Variants in PRR16 observed in about 807,000 individuals in gnomAD.
PRR16 encodes the protein protein Largen.
A neutral mutation model predicts 18.2 loss-of-function variants in PRR16; 6 were observed. That is an observed-to-expected ratio of 0.33 (90% CI 0.18 to 0.65). The LOEUF is 0.65. PRR16 is among the 30% of genes least tolerant of loss of function. The pLI, the probability that PRR16 is intolerant of heterozygous loss-of-function variation, is 0.74. For synonymous variants in PRR16, 151 were observed against 147.8 expected (o/e 1.02, Z -0.16); for missense variants, 412 against 376.6 (o/e 1.09, Z -0.78).
chr5:120,542,386 C>G (rs1751943003), intron 1 of PRR16, among the ~76,000 whole-genome samples: 1 of 152,026 alleles, frequency 6.6e-6, no homozygotes, highest in Admixed American at 6.6e-5. Flanking sequence ...AAAGATAGTA[C>G]AGGGAGTACC....
chr5:120,736,460 T>A, the PRR16 span, among the ~76,000 whole-genome samples: 7 of 151,038 alleles, frequency 4.6e-5, no homozygotes, highest in African/African-American at 1.5e-4. Flanking sequence ...AGAAAGAGTT[T>A]CACCATGTTG....
chr5:120,610,258 C>T (rs1293861196), intron 1 of PRR16, among the ~76,000 whole-genome samples: 1 of 151,796 alleles, frequency 6.6e-6, no homozygotes, highest in East Asian at 1.9e-4. Flanking sequence ...TTTATTTAGA[C>T]TCTGAATGCC....
intron 1 of PRR16, among the ~76,000 whole-genome samples, chr5:120,558,458 T>C (rs1046210587): frequency 6.6e-6 from 1 of 151,942 alleles, no homozygotes; most frequent in African/African-American, 2.4e-5. Flanking sequence ...GCTCCATCCA[T>C]GTTGTAGAAA....
At chr5:120,547,386 A>G (rs1326549150) in intron 1 of PRR16, among the ~76,000 whole-genome samples, 3 of 152,084 alleles carry the variant, frequency 2.0e-5, no homozygotes, top group Admixed American at 6.6e-5. Flanking sequence ...AATTCTTGGT[A>G]TATAATCTTG....
At chr5:120,550,900 A>G (rs1462789686) in intron 1 of PRR16, among the ~76,000 whole-genome samples, 1 of 151,958 alleles carries the variant, frequency 6.6e-6, no homozygotes, top group Non-Finnish European at 1.5e-5. Flanking sequence ...TGTTTACTCA[A>G]GTTTACTAAG....
chr5:120,621,438 G>C (rs143608715), intron 1 of PRR16, among the ~76,000 whole-genome samples: 128 of 152,002 alleles, frequency 8.4e-4, no homozygotes, highest in African/African-American at 2.9e-3. Flanking sequence ...AGCTAATCTC[G>C]TCTCAGTCTC....
At chr5:120,477,197 C>T (rs1311634110) in intron 1 of PRR16, among the ~76,000 whole-genome samples, 4 of 152,066 alleles carry the variant, frequency 2.6e-5, no homozygotes, top group African/African-American at 9.7e-5. Flanking sequence ...TCCACGACTC[C>T]CAAATTTGTA....
At chr5:120,756,341 T>C in the PRR16 span, among the ~76,000 whole-genome samples, 1 of 152,090 alleles carries the variant, frequency 6.6e-6, no homozygotes, top group African/African-American at 2.4e-5. Flanking sequence ...TTGGTGTGAA[T>C]TGGCCTTAGG....
chr5:120,476,628 AT>A (rs1005717391), intron 1 of PRR16, among the ~76,000 whole-genome samples: 9 of 152,008 alleles, frequency 5.9e-5, no homozygotes, highest in Non-Finnish European at 1.2e-4. Context: ...AGAGCCTGTT[AT>A]TTCCCATTTA....
At chr5:120,628,272 A>G (rs1424289317) in intron 1 of PRR16, among the ~76,000 whole-genome samples, 2 of 152,112 alleles carry the variant, frequency 1.3e-5, no homozygotes, top group South Asian at 2.1e-4. Flanking sequence ...CATGGGAACT[A>G]TGGAAACACT....
the PRR16 span, among the ~76,000 whole-genome samples, chr5:120,730,645 A>C: frequency 1.3e-5 from 2 of 152,168 alleles, no homozygotes; most frequent in African/African-American, 4.8e-5. Context: ...AGTGTAAAAA[A>C]GAAAACTGAG....
Position 120,574,899 on chromosome 5 carries a change from A to G in PRR16, c.159+110254A>G, listed in dbSNP as rs573303990. Among the ~76,000 whole-genome samples, 3 of 148,906 alleles carry G rather than the reference A, an allele frequency of 2.0e-5. No homozygotes were observed. The East Asian group carries it at 5.8e-4, about 29-fold the overall frequency. The stretch of plus-strand genomic sequence containing the variant: ...ACCTAGAAATTCCATTTATAGGTAC[A>G]TAACAAAGGAATTTGTTCGTATACA... On this transcript the variant is annotated intron_variant, in intron 1 of 1. Transcript: ENST00000407149.
chr5:120,515,439 T>C (rs928793528), intron 1 of PRR16, among the ~76,000 whole-genome samples: 8 of 152,184 alleles, frequency 5.3e-5, no homozygotes, highest in Admixed American at 5.2e-4. Context: ...TCTAAAATAA[T>C]CTCTTATAAA....
At chr5:120,707,921 G>A in the PRR16 span, among the ~76,000 whole-genome samples, 2 of 152,044 alleles carry the variant, frequency 1.3e-5, no homozygotes, top group South Asian at 2.1e-4. Context: ...CCAGGTGGTG[G>A]GCTATAAACC....
At chr5:120,487,980 G>T (rs1411731076) in intron 1 of PRR16, among the ~76,000 whole-genome samples, 1 of 152,180 alleles carries the variant, frequency 6.6e-6, no homozygotes, top group Non-Finnish European at 1.5e-5. Flanking sequence ...AACCAGCCTT[G>T]CATCCCAGGG....
chr5:120,771,384 G>T, the PRR16 span, among the ~76,000 whole-genome samples: 1 of 152,038 alleles, frequency 6.6e-6, no homozygotes, highest in African/African-American at 2.4e-5. Flanking sequence ...GTATGAGCCA[G>T]AGAATAGCCT....
chr5:120,644,770 G>C (rs1450175367), intron 1 of PRR16, among the ~76,000 whole-genome samples: 1 of 152,112 alleles, frequency 6.6e-6, no homozygotes, highest in Non-Finnish European at 1.5e-5. Flanking sequence ...TTCTCAGATA[G>C]AATATTGCCA....
chr5:120,585,169 G>C (rs1753398748), intron 1 of PRR16, among the ~76,000 whole-genome samples: 1 of 152,218 alleles, frequency 6.6e-6, no homozygotes, highest in Non-Finnish European at 1.5e-5. Flanking sequence ...ATATGCCTGA[G>C]GAAAATGTGT....
the PRR16 span, among the ~76,000 whole-genome samples, chr5:120,716,919 G>A: frequency 2.0e-5 from 3 of 152,026 alleles, no homozygotes; most frequent in African/African-American, 7.2e-5. Flanking sequence ...GTCCTTGAAT[G>A]AATGAGTAGA....
Sources: allele counts gnomAD v4.1 joint callset (sites outside exome capture counted in the v4.1 genomes callset), GRCh38; gene constraint gnomAD v4.1.1; transcripts MANE v1.5; gene names NCBI Gene and HGNC (gene_info 2026-07-23, HGNC 2026-07-21).